Variants in TRANK1 observed in about 807,000 individuals in gnomAD.
TRANK1 encodes the protein tetratricopeptide repeat and ankyrin repeat containing 1.
TRANK1 carries 198 observed loss-of-function variants against 266.0 expected under a neutral mutation model. The ratio of observed to expected loss-of-function variants is 0.74; its 90% CI spans 0.66 to 0.84. The LOEUF (loss-of-function observed/expected upper bound fraction) is 0.84, where lower values mean the gene tolerates loss of function less well. Ranked by LOEUF, TRANK1 falls within the 40% of genes least tolerant of loss-of-function variation. The probability of loss-of-function intolerance (pLI) is 0.00; values close to 1 mark genes in which losing one functional copy is unlikely to be tolerated. For synonymous variants in TRANK1, 1,396 were observed against 1,384.1 expected, an observed-to-expected ratio of 1.01 and a Z score of -0.19; for missense variants, 3,326 against 3,634.6, an observed-to-expected ratio of 0.92 and a Z score of 2.18.
At chr3:36,917,698 T>A (rs1290860598) in intron 1 of TRANK1, among the ~76,000 whole-genome samples, 1 of 152,214 alleles carries the variant, frequency 6.6e-6, no homozygotes, top group East Asian at 1.9e-4. Context: ...CCTCTGTATG[T>A]ATTAATCTGG....
rs143776324 is a variant in TRANK1 at position 36,864,065 on chromosome 3, T to A, written c.1240+254A>T. On this transcript the variant is annotated intron_variant, in intron 10 of 23. Transcript: ENST00000645898. ...ATCTATAGTATTTTTTAAATGACTG[T>A]ATATGCAAAGAGTAATTCTAGAAGG... Among the ~76,000 whole-genome samples the A allele has an allele frequency of 4.9e-4, 74 of 152,300 alleles. 1 individual carries two copies. In the East Asian group the frequency reaches 0.013, roughly 27 times the overall value.
chr3:36,931,204 T>C (rs900989725), intron 1 of TRANK1, among the ~76,000 whole-genome samples: 1 of 151,362 alleles, frequency 6.6e-6, no homozygotes, highest in African/African-American at 2.4e-5. Flanking sequence ...TTAAGACCCA[T>C]CAACAGGGGA....
Position 36,855,477 on chromosome 3 carries a change from G to A in TRANK1, c.4245C>T (p.Tyr1415=). ...GCTTCGACAGCCTCCGGGATATGTT[G>A]TACAGAACATCCTCTTCATCAAAAT... ...KGYFDEEDVL[Y]NISRRLSKLR... is the part of the protein sequence containing the mutation. Residue 1415 remains tyrosine (Y), a synonymous_variant, in exon 13 of 24, where the codon TAC becomes TAT. Transcript: ENST00000645898. 1 of 1,613,976 alleles carries A rather than the reference G, an allele frequency of 6.2e-7. No homozygotes were observed. The highest frequency in any genetic ancestry group is 1.1e-5 in the South Asian group (1 of 91,084).
chr3:36,855,239 T>C lies in TRANK1; in HGVS notation c.4483A>G (p.Lys1495Glu), dbSNP rs370920611. Residue 1495 changes from lysine (K) to glutamate (E), a missense_variant, in exon 13 of 24, where the codon AAG (lysine) becomes GAG (glutamate). Coordinates refer to ENST00000645898, the MANE Select transcript of TRANK1 (RefSeq NM_001329998.2). ...TTGGGCTTCCGGACAGCACACTGCT[T>C]GTCTATGGTGTTTCTGCTGGCATAA... ...FHYASRNTID[K>E]QCAVRKPKKI... 1 of 1,614,056 alleles carries C rather than the reference T, an allele frequency of 6.2e-7. No homozygotes were observed. The highest frequency in any genetic ancestry group is 1.3e-5 in the African/African-American group (1 of 75,066).
chr3:36,915,528 G>C (rs2080112256), intron 1 of TRANK1, among the ~76,000 whole-genome samples: 1 of 152,074 alleles, frequency 6.6e-6, no homozygotes, highest in Admixed American at 6.6e-5. Flanking sequence ...TGAACTTTCA[G>C]CACACCCTAA....
chr3:36,866,705 G>A (rs1308291974), intron 9 of TRANK1, among the ~76,000 whole-genome samples: 1 of 152,176 alleles, frequency 6.6e-6, no homozygotes, highest in Non-Finnish European at 1.5e-5. Context: ...AGAAGCAAGA[G>A]CAAAACAGCC....
At chr3:36,941,937 G>A (rs1333559735) in intron 1 of TRANK1, among the ~76,000 whole-genome samples, 4 of 152,186 alleles carry the variant, frequency 2.6e-5, no homozygotes, top group South Asian at 2.1e-4. Flanking sequence ...GAAATGCAGT[G>A]GAGGGTTCAT....
Position 36,855,280 on chromosome 3 carries a change from A to G in TRANK1, c.4442T>C (p.Leu1481Pro). 2 of 1,614,074 alleles carry G rather than the reference A, an allele frequency of 1.2e-6. No individual in the cohort carries two copies. Among genetic ancestry groups the G allele is most frequent in the Non-Finnish European group, 1.7e-6 (2 of 1,179,904 alleles). ...MKGVAFRFSD[L>P]RSLFHYASRN... The stretch of plus-strand genomic sequence containing the variant: ...GCTGGCATAATGGAACAGAGAGCGC[A>G]GATCGCTGAAGCGGAAGGCCACGCC... Residue 1481 changes from leucine (L) to proline (P), a missense_variant, in exon 13 of 24, where the codon CTG becomes CCG. Leu to Pro is a moderately conservative substitution (Grantham distance 98). Transcript: ENST00000645898.
Position 36,866,014 on chromosome 3 carries a change from C to G in TRANK1, c.1079-1534G>C, listed in dbSNP as rs377300486. On this transcript the variant is annotated intron_variant, in intron 9 of 23. Transcript: ENST00000645898. Reference sequence around the variant, plus strand: ...AGAAAGAAAGAGAAAGAGAGAGAGACAGACAGAAAGAAAGAGAGAGAGAGA... The same window carrying G: ...AGAAAGAAAGAGAAAGAGAGAGAGAGAGACAGAAAGAAAGAGAGAGAGAGA... Among the ~76,000 whole-genome samples the G allele has an allele frequency of 2.6e-4, 35 of 132,120 alleles. No homozygotes were observed. The East Asian group carries it at 6.3e-3, about 24-fold the overall frequency. The allele number at this position is 132,120 out of a possible 152,430, so 86.7% of individuals were successfully genotyped here. A position where few individuals can be genotyped will look rare whatever the true frequency, so the allele number is the denominator to read the frequency against.
chr3:36,927,530 A>G (rs2080304659), intron 1 of TRANK1, among the ~76,000 whole-genome samples: 1 of 152,140 alleles, frequency 6.6e-6, no homozygotes, highest in Non-Finnish European at 1.5e-5. Context: ...TCTGCAGCCT[A>G]AGAACCATCC....
intron 1 of TRANK1, among the ~76,000 whole-genome samples, chr3:36,934,023 C>A (rs1357108918): frequency 6.6e-6 from 1 of 152,204 alleles, no homozygotes; most frequent in Non-Finnish European, 1.5e-5. Context: ...CCCTTTTCAG[C>A]TGGAGGGCAA....
At chr3:36,848,739 G>A (rs1471860437) in intron 15 of TRANK1, among the ~76,000 whole-genome samples, 1 of 152,188 alleles carries the variant, frequency 6.6e-6, no homozygotes, top group African/African-American at 2.4e-5. Flanking sequence ...ACAATCTTCA[G>A]GACATATTTG....
At chr3:36,933,345 C>T (rs1343729650) in intron 1 of TRANK1, among the ~76,000 whole-genome samples, 1 of 152,260 alleles carries the variant, frequency 6.6e-6, no homozygotes, top group Non-Finnish European at 1.5e-5. Context: ...CAAGGAGGCA[C>T]CCCTCTGCGC....
intron 1 of TRANK1, among the ~76,000 whole-genome samples, chr3:36,924,430 AC>A (rs1390607968): frequency 6.6e-6 from 1 of 152,202 alleles, no homozygotes; most frequent in Non-Finnish European, 1.5e-5. Context: ...CATGGGACAA[AC>A]CCCATCTATC....
At chr3:36,945,596 T>C (rs114094365), upstream of TRANK1, among the ~76,000 whole-genome samples, 540 of 152,204 alleles carry the variant, frequency 3.5e-3, 2 homozygotes, top group African/African-American at 0.012. Context: ...GGCAACAAAA[T>C]GAGGATCTTG....
At chr3:36,922,032 A>G (rs1240634290) in intron 1 of TRANK1, among the ~76,000 whole-genome samples, 1 of 152,202 alleles carries the variant, frequency 6.6e-6, no homozygotes, top group East Asian at 1.9e-4. Context: ...CTGTAGTTCC[A>G]GCTATTTGGG....
chr3:36,919,259 A>G (rs1428856655), intron 1 of TRANK1, among the ~76,000 whole-genome samples: 2 of 152,220 alleles, frequency 1.3e-5, no homozygotes, highest in African/African-American at 4.8e-5. Context: ...CTGGGTGAAT[A>G]TATAGAACAT....
At chr3:36,933,150 C>CCCCTTT (rs138360761) in intron 1 of TRANK1, among the ~76,000 whole-genome samples, 4,395 of 152,286 alleles carry the variant, frequency 0.029, 236 homozygotes, top group African/African-American at 0.1. Context: ...GACACCCCTT[C>CCCCTTT]CCCTTTCCCC....
In TRANK1 at chr3:36,851,555, A is replaced by C. The variant is rs1453373863; in HGVS notation, c.4887+164T>G. The C allele has an allele frequency of 2.1e-5, 25 of 1,198,684 alleles. No homozygotes were observed. In the East Asian group the frequency reaches 6.9e-4, roughly 33 times the overall value. 74.3% of individuals were successfully genotyped at this position (1,198,684 alleles called of 1,614,324 possible). ...CAACCCACAGCTAATGTCAAAACCC[A>C]CATCTAAACACACAAAACCTCATAC... On this transcript the variant is annotated intron_variant, in intron 15 of 23. Coordinates refer to ENST00000645898, the MANE Select transcript of TRANK1 (RefSeq NM_001329998.2).
Sources: allele counts gnomAD v4.1 joint callset (sites outside exome capture counted in the v4.1 genomes callset), GRCh38; gene constraint gnomAD v4.1.1; transcripts MANE v1.5; gene names NCBI Gene and HGNC (gene_info 2026-07-23, HGNC 2026-07-21).